Variants in ZBTB7C observed in about 807,000 individuals in gnomAD.
ZBTB7C encodes the protein zinc finger and BTB domain-containing protein 7C.
Under a neutral mutation model 25.7 loss-of-function variants are expected in ZBTB7C, and 8 were observed. The observed-to-expected ratio is 0.31, with a 90% CI of 0.18 to 0.56. The LOEUF (loss-of-function observed/expected upper bound fraction) is 0.56. Ranked by LOEUF, ZBTB7C falls within the 20% of genes least tolerant of loss-of-function variation. ZBTB7C has a pLI of 0.91. For missense variants in ZBTB7C, 824 were observed against 855.2 expected, an observed-to-expected ratio of 0.96 and a Z score of 0.46; for synonymous variants, 394 against 369.0, an observed-to-expected ratio of 1.07 and a Z score of -0.78.
intron 2 of ZBTB7C, among the ~76,000 whole-genome samples, chr18:48,206,397 T>C (rs375064989): frequency 1.3e-5 from 2 of 152,136 alleles, no homozygotes; most frequent in East Asian, 3.8e-4. Context: ...TTAAAATAAA[T>C]GTTTCGCAGC....
intron 2 of ZBTB7C, among the ~76,000 whole-genome samples, chr18:48,231,104 C>T (rs115918922): frequency 0.022 from 3,304 of 152,224 alleles, 42 homozygotes; most frequent in African/African-American, 0.036. Context: ...ACAGCCTGGG[C>T]GCACTGGCAC....
intron 3 of ZBTB7C, among the ~76,000 whole-genome samples, chr18:48,082,288 C>T (rs1467711073): frequency 6.6e-6 from 1 of 152,186 alleles, no homozygotes; most frequent in Non-Finnish European, 1.5e-5. Context: ...AGATCTGAGC[C>T]ATCATTTTTC....
At chr18:48,403,764 A>G (rs2048215298) in intron 1 of ZBTB7C, among the ~76,000 whole-genome samples, 1 of 152,208 alleles carries the variant, frequency 6.6e-6, no homozygotes, top group South Asian at 2.1e-4. Flanking sequence ...AATCTCAGTA[A>G]GCACCACTAA....
In ZBTB7C at chr18:48,408,088, C is replaced by T. The variant is rs567008244; in HGVS notation, c.-304+1138G>A. ...CCTAGAAGCACCAGAAACTCCGGCT[C>T]TAGCCTTGCGCATGGTCCAGCGAGA... On this transcript the variant is annotated intron_variant, in intron 1 of 4. Coordinates refer to ENST00000590800, the MANE Select transcript of ZBTB7C (RefSeq NM_001318841.2). Among the ~76,000 whole-genome samples, 4 of 152,342 alleles carry T rather than the reference C, an allele frequency of 2.6e-5. No homozygotes were observed. The South Asian group carries it at 6.2e-4, about 24-fold the overall frequency.
intron 1 of ZBTB7C, among the ~76,000 whole-genome samples, chr18:48,407,032 G>A (rs2048298678): frequency 6.6e-6 from 1 of 152,146 alleles, no homozygotes; most frequent in Non-Finnish European, 1.5e-5. Flanking sequence ...AAAATACAGA[G>A]TAAAAAACAT....
At chr18:48,189,800 T>C (rs993677280) in intron 2 of ZBTB7C, among the ~76,000 whole-genome samples, 3 of 152,168 alleles carry the variant, frequency 2.0e-5, no homozygotes, top group Middle Eastern at 3.2e-3. Flanking sequence ...TACTCAAGAC[T>C]AATGAGTTGT....
intron 3 of ZBTB7C, among the ~76,000 whole-genome samples, chr18:48,101,151 C>G (rs2038815960): frequency 6.6e-6 from 1 of 152,184 alleles, no homozygotes; most frequent in Non-Finnish European, 1.5e-5. Flanking sequence ...ACCCAACCAT[C>G]TTCCTCCTTC....
intron 2 of ZBTB7C, among the ~76,000 whole-genome samples, chr18:48,297,582 CCT>C (rs2045432094): frequency 6.6e-6 from 1 of 152,180 alleles, no homozygotes; most frequent in Non-Finnish European, 1.5e-5. Flanking sequence ...CAGCCATTTC[CCT>C]GTTACCCTAA....
intron 3 of ZBTB7C, among the ~76,000 whole-genome samples, chr18:48,097,542 G>A (rs530125792): frequency 9.9e-5 from 15 of 152,204 alleles, no homozygotes; most frequent in South Asian, 4.2e-4. Context: ...GACTACAGGC[G>A]TGTGCCACCA....
intron 2 of ZBTB7C, among the ~76,000 whole-genome samples, chr18:48,284,370 T>C (rs920306871): frequency 1.3e-5 from 2 of 150,756 alleles, no homozygotes; most frequent in Non-Finnish European, 3.0e-5. Context: ...GCCCAGGAGG[T>C]CAAGGCTTCA....
chr18:48,317,301 C>T (rs1372637513), intron 2 of ZBTB7C, among the ~76,000 whole-genome samples: 1 of 151,414 alleles, frequency 6.6e-6, no homozygotes, highest in African/African-American at 2.4e-5. Flanking sequence ...AAAATGTGGC[C>T]CTTTCAGCAG....
intron 1 of ZBTB7C, among the ~76,000 whole-genome samples, chr18:48,392,829 C>T (rs1396120709): frequency 6.6e-6 from 1 of 152,170 alleles, no homozygotes; most frequent in East Asian, 1.9e-4. Context: ...ACCTCTTCCT[C>T]CAATGCCCAC....
intron 4 of ZBTB7C, among the ~76,000 whole-genome samples, chr18:48,039,486 T>C (rs149514107): frequency 7.9e-5 from 12 of 152,182 alleles, no homozygotes; most frequent in Non-Finnish European, 1.6e-4. Flanking sequence ...AGAATATGCT[T>C]AATAAAGGTC....
chr18:48,189,340 T>C (rs117203079), intron 2 of ZBTB7C, among the ~76,000 whole-genome samples: 1,643 of 152,318 alleles, frequency 0.011, 66 homozygotes, highest in Admixed American at 0.079. Context: ...ATAAATAGCA[T>C]GGGTAATTTT....
intron 4 of ZBTB7C, among the ~76,000 whole-genome samples, chr18:48,038,370 C>G (rs1328107954): frequency 6.6e-6 from 1 of 152,042 alleles, no homozygotes; most frequent in Non-Finnish European, 1.5e-5. Flanking sequence ...GAGCAGGACC[C>G]CAAGGCCACC....
chr18:48,212,247 A>G (rs73433330), intron 2 of ZBTB7C, among the ~76,000 whole-genome samples: 20,294 of 152,076 alleles, frequency 0.13, 1,565 homozygotes, highest in Admixed American at 0.23. Context: ...AAGGTTACAT[A>G]CTATATGATC....
chr18:48,055,703 G>A (rs75946907), intron 3 of ZBTB7C, among the ~76,000 whole-genome samples: 3,297 of 152,218 alleles, frequency 0.022, 57 homozygotes, highest in Non-Finnish European at 0.035. Context: ...AGACTTTCCC[G>A]ACCTAAAGGA....
At chr18:48,275,071 G>A (rs2044606367) in intron 2 of ZBTB7C, among the ~76,000 whole-genome samples, 1 of 152,138 alleles carries the variant, frequency 6.6e-6, no homozygotes, top group African/African-American at 2.4e-5. Context: ...ACTTATTACT[G>A]GAAAAGAGTC....
intron 1 of ZBTB7C, among the ~76,000 whole-genome samples, chr18:48,393,439 C>T (rs1023338605): frequency 2.0e-5 from 3 of 152,102 alleles, no homozygotes; most frequent in African/African-American, 7.2e-5. Context: ...CCCTGACTGT[C>T]TCTCACTATA....
Sources: gnomAD v4.1 joint callset for allele counts (sites outside exome capture counted in the v4.1 genomes callset) on GRCh38, gnomAD v4.1.1 for gene constraint, MANE v1.5 for transcripts, NCBI Gene and HGNC (gene_info 2026-07-23, HGNC 2026-07-21) for gene names.